The following LAMA1 variants were observed in gnomAD, a reference collection of about 807,000 sequenced individuals.
LAMA1 encodes laminin subunit alpha-1.
Under a neutral mutation model 348.7 loss-of-function variants are expected in LAMA1, and 219 were observed. The ratio of observed to expected loss-of-function variants is 0.63; its 90% CI spans 0.56 to 0.70. The LOEUF (loss-of-function observed/expected upper bound fraction) is 0.70, where lower values mean the gene tolerates loss of function less well. Ranked by LOEUF, LAMA1 falls within the 30% of genes least tolerant of loss-of-function variation. The probability of loss-of-function intolerance (pLI) is 0.00; values close to 1 mark genes in which losing one functional copy is unlikely to be tolerated. For missense variants in LAMA1, 3,744 were observed against 3,888.0 expected (o/e 0.96, Z 0.99); for synonymous variants, 1,487 against 1,491.0 (o/e 1.00, Z 0.06).
chr18:7,044,133 A>C (rs976952714), intron 7 of LAMA1, among the ~76,000 whole-genome samples: 1 of 142,594 alleles, frequency 7.0e-6, no homozygotes, highest in Non-Finnish European at 1.5e-5. Context: ...ACTGCACTCC[A>C]GCGTAGGTGA....
intron 19 of LAMA1, among the ~76,000 whole-genome samples, chr18:7,020,817 A>G (rs1600398594): frequency 6.6e-6 from 1 of 151,928 alleles, no homozygotes; most frequent in African/African-American, 2.4e-5. Context: ...TTGTCTCCTA[A>G]CCCAACACCC....
At chr18:7,052,339 G>A (rs763966702) in intron 3 of LAMA1, among the ~76,000 whole-genome samples, 1 of 151,928 alleles carries the variant, frequency 6.6e-6, no homozygotes, top group Non-Finnish European at 1.5e-5. Context: ...GCTGAGTCAC[G>A]AGAATCACTT....
At chr18:7,067,932 C>T (rs571788355) in intron 3 of LAMA1, among the ~76,000 whole-genome samples, 1 of 151,972 alleles carries the variant, frequency 6.6e-6, no homozygotes, top group Non-Finnish European at 1.5e-5. Flanking sequence ...TGGCTCACTG[C>T]AAACTCTGCC....
At chr18:7,035,939 C>T (rs2057992429) in intron 13 of LAMA1, 48 bp downstream of exon 13, 3 of 1,452,414 alleles carry the variant, frequency 2.1e-6, no homozygotes, top group South Asian at 1.1e-5. Context: ...AAACTATCAG[C>T]CCACTAAGCC....
At chr18:6,992,998 T>G (rs1206611515) in intron 35 of LAMA1, among the ~76,000 whole-genome samples, 1 of 152,238 alleles carries the variant, frequency 6.6e-6, no homozygotes, top group African/African-American at 2.4e-5. Context: ...CATTTCCTTG[T>G]ACCTGGCAGA....
chr18:7,022,726 C>T (rs1416572363), intron 19 of LAMA1, among the ~76,000 whole-genome samples: 3 of 152,150 alleles, frequency 2.0e-5, no homozygotes, highest in African/African-American at 7.2e-5. Context: ...CTAAGATGCA[C>T]CACACGGTGC....
intron 1 of LAMA1, among the ~76,000 whole-genome samples, chr18:7,083,475 C>A (rs144955706): frequency 6.6e-6 from 1 of 151,808 alleles, no homozygotes. Context: ...CTTGAGCCAC[C>A]GCGCCGGGCC....
chr18:6,965,426 A>G lies in LAMA1; in HGVS notation c.7057T>C (p.Phe2353Leu), dbSNP rs780433970. ...LYLGSYGTKD[F>L]LSIELFRGRV... Reference sequence around the variant, plus strand: ...CCACGAAACAGCTCGATGGATAAAAAGTCTTTCTGTAAAAAAGAGAACACA... The same window carrying G: ...CCACGAAACAGCTCGATGGATAAAAGGTCTTTCTGTAAAAAAGAGAACACA... Residue 2353 changes from phenylalanine to leucine, a missense_variant, in exon 50 of 63, where the codon TTT (phenylalanine) becomes CTT (leucine). Physicochemically the swap from Phe to Leu is conservative, Grantham distance 22. Coordinates refer to ENST00000389658, the MANE Select transcript of LAMA1 (RefSeq NM_005559.4). 8 of 1,614,196 alleles carry G rather than the reference A, an allele frequency of 5.0e-6. No individual in the cohort carries two copies. Among genetic ancestry groups the G allele is most frequent in the Non-Finnish European group, 6.8e-6 (8 of 1,180,026 alleles).
intron 5 of LAMA1, among the ~76,000 whole-genome samples, chr18:7,047,189 CAT>C (rs1397547274): frequency 5.9e-5 from 9 of 151,952 alleles, no homozygotes; most frequent in African/African-American, 1.7e-4. Context: ...GGATTACAGG[CAT>C]GCGCCACCAC....
At chr18:6,978,591 C>G (rs1259996906) in intron 42 of LAMA1, among the ~76,000 whole-genome samples, 2 of 152,060 alleles carry the variant, frequency 1.3e-5, no homozygotes, top group African/African-American at 4.8e-5. Context: ...ATTAAAGCTG[C>G]ATATCATATG....
At position 7,002,187 on chromosome 18, in the gene LAMA1, G is replaced by A. The variant is rs143360467; in HGVS notation, c.4382+77C>T. On this transcript the variant is annotated intron_variant, in intron 30 of 62. Transcript: ENST00000389658. The stretch of plus-strand genomic sequence containing the variant: ...ATATTCATTAACAACAGACCACTCA[G>A]AGACCCTTGAAAATGAGGCTGAACT... 3.7e-4 allele frequency: 585 copies of A among 1,577,364 alleles called. 1 individual carries two copies. The African/African-American group carries it at 6.9e-3, about 19-fold the overall frequency.
At chr18:6,992,324 C>G (rs2057762384) in intron 36 of LAMA1, among the ~76,000 whole-genome samples, 1 of 152,212 alleles carries the variant, frequency 6.6e-6, no homozygotes, top group Non-Finnish European at 1.5e-5. Flanking sequence ...AGGACAGAAG[C>G]TACCGCATGA....
At chr18:6,955,216 CTT>C (rs1462607594) in intron 57 of LAMA1, 135 bp downstream of exon 57, 2 of 726,164 alleles carry the variant, frequency 2.8e-6, no homozygotes, top group Admixed American at 4.1e-5. Flanking sequence ...AATTCCTTCT[CTT>C]TGCCATTTGG....
At chr18:6,979,685 G>T (rs560415396) in intron 42 of LAMA1, among the ~76,000 whole-genome samples, 1 of 152,192 alleles carries the variant, frequency 6.6e-6, no homozygotes, top group East Asian at 1.9e-4. Flanking sequence ...GGATCACGAG[G>T]TCAGGAGATC....
intron 1 of LAMA1, among the ~76,000 whole-genome samples, chr18:7,091,666 T>A (rs1277196475): frequency 6.6e-6 from 1 of 152,252 alleles, no homozygotes; most frequent in Non-Finnish European, 1.5e-5. Flanking sequence ...TTCATGAGTA[T>A]GTGACCTGCA....
At position 7,038,877 on chromosome 18, in the gene LAMA1, C is replaced by A. The variant is rs1386621204; in HGVS notation, c.1496G>T (p.Gly499Val). The A allele has an allele frequency of 6.2e-7, 1 of 1,614,168 alleles. No individual in the cohort carries two copies. The highest frequency in any genetic ancestry group is 8.5e-7 in the Non-Finnish European group (1 of 1,180,010). ...GCCAAAGCAGAAGCACTCGGAGCAGCCCCGGGGGTTTTTTTCCTTCAAGTT... is the reference window on the plus strand; with the variant it reads ...GCCAAAGCAGAAGCACTCGGAGCAGACCCGGGGGTTTTTTTCCTTCAAGTT... ...FYNLKEKNPR[G>V]CSECFCFGVS... The change falls in exon 11 of 63, where the codon GGC becomes GTC. Residue 499 changes from glycine to valine, a missense_variant. Around this residue, in one of 3 missense-constraint regions of LAMA1, gnomAD observed 1,529 missense variants for 1,689.4 expected, o/e 0.91. Transcript: ENST00000389658.
In LAMA1 at chr18:7,011,446, C is replaced by G. The variant is rs2057860127; in HGVS notation, c.3541G>C (p.Val1181Leu). 2.5e-6 allele frequency: 4 copies of G among 1,608,448 alleles called. No homozygotes were observed. Among genetic ancestry groups the G allele is most frequent in the Middle Eastern group, 1.7e-4 (1 of 6,050 alleles). Residue 1181 changes from valine (V) to leucine (L), a missense_variant, in exon 25 of 63, where the codon GTG becomes CTG. Transcript: ENST00000389658. ...CCCCTCAAGTTACTCTGAGAAACCACACGCAGAAGAGGCTGATCGGAGCCC... is the reference window on the plus strand; with the variant it reads ...CCCCTCAAGTTACTCTGAGAAACCAGACGCAGAAGAGGCTGATCGGAGCCC... The part of the protein sequence containing the change: ...TLGSDQPLLR[V>L]VSQSNLRGTT...
chr18:7,110,086 C>T (rs2143834889), intron 1 of LAMA1, among the ~76,000 whole-genome samples: 1 of 151,932 alleles, frequency 6.6e-6, no homozygotes, highest in Admixed American at 6.6e-5. Flanking sequence ...GAGGCTGAGG[C>T]AGAAGAATCG....
intron 51 of LAMA1, chr18:6,964,202 C>T (rs2057621996): frequency 1.0e-5 from 2 of 192,366 alleles, no homozygotes; most frequent in Non-Finnish European, 2.2e-5. Flanking sequence ...TCTCAAATCA[C>T]ATGGCATAGA....
Sources: gnomAD v4.1 joint callset for allele counts (sites outside exome capture counted in the v4.1 genomes callset) on GRCh38, gnomAD v4.1.1 for gene constraint, gnomAD v4.1.1 regional missense constraint, MANE v1.5 for transcripts, NCBI Gene and HGNC (gene_info 2026-07-23, HGNC 2026-07-21) for gene names.